The following COL19A1 variants were observed in gnomAD, a reference collection of about 807,000 sequenced individuals.
COL19A1 encodes the protein collagen type XIX alpha 1 chain.
COL19A1 carries 159 observed loss-of-function variants against 190.2 expected under a neutral mutation model. The observed-to-expected ratio is 0.84, with a 90% confidence interval of 0.73 to 0.95. The LOEUF (loss-of-function observed/expected upper bound fraction) is 0.95. Ranked by LOEUF, COL19A1 falls within the 40% of genes least tolerant of loss-of-function variation. The pLI is 0.00. For missense variants in COL19A1, 1,418 were observed against 1,431.9 expected, an observed-to-expected ratio of 0.99 and a Z score of 0.16; for synonymous variants, 509 against 458.9, an observed-to-expected ratio of 1.11 and a Z score of -1.39.
At chr6:70,091,731 T>G (rs1429645363) in intron 15 of COL19A1, among the ~76,000 whole-genome samples, 1 of 151,162 alleles carries the variant, frequency 6.6e-6, no homozygotes, top group Non-Finnish European at 1.5e-5. Context: ...AGAGAAAAAG[T>G]CAAAGAACAT....
chr6:70,061,830 C>T (rs1166667718), intron 14 of COL19A1, among the ~76,000 whole-genome samples: 2 of 151,916 alleles, frequency 1.3e-5, no homozygotes, highest in African/African-American at 4.8e-5. Flanking sequence ...GAGCCAAGAT[C>T]GTGTCAGGCT....
intron 11 of COL19A1, chr6:69,974,034 A>G (rs768589744): frequency 6.6e-6 from 1 of 152,174 alleles, no homozygotes; most frequent in African/African-American, 2.4e-5. Flanking sequence ...GTCTAGGCTT[A>G]TGGTGGTCTA....
chr6:69,984,820 A>C (rs140518304), intron 11 of COL19A1, among the ~76,000 whole-genome samples: 24 of 152,240 alleles, frequency 1.6e-4, no homozygotes, highest in African/African-American at 5.3e-4. Flanking sequence ...CATTTTAGCC[A>C]TTAGTCTTCT....
At chr6:70,030,765 A>G (rs952792171) in intron 12 of COL19A1, among the ~76,000 whole-genome samples, 1 of 152,122 alleles carries the variant, frequency 6.6e-6, no homozygotes, top group African/African-American at 2.4e-5. Context: ...GTCAAATGCA[A>G]CTCAGCCTGG....
intron 17 of COL19A1, among the ~76,000 whole-genome samples, chr6:70,125,769 C>T (rs1355463458): frequency 6.6e-6 from 1 of 152,122 alleles, no homozygotes. Flanking sequence ...AACAGCTGCT[C>T]CCATTCTGCA....
chr6:69,870,002 G>C (rs750545473), intron 1 of COL19A1, among the ~76,000 whole-genome samples: 1 of 152,080 alleles, frequency 6.6e-6, no homozygotes. Context: ...CTATTTTTTT[G>C]TCCCACTAAG....
intron 16 of COL19A1, among the ~76,000 whole-genome samples, chr6:70,113,941 T>C (rs1784421294): frequency 6.7e-6 from 1 of 148,970 alleles, no homozygotes; most frequent in African/African-American, 2.5e-5. Context: ...ACCTCTGCCT[T>C]CTGGGTTCAA....
At chr6:69,916,424 A>T (rs565878296) in intron 4 of COL19A1, among the ~76,000 whole-genome samples, 1 of 152,354 alleles carries the variant, frequency 6.6e-6, no homozygotes, top group Non-Finnish European at 1.5e-5. Flanking sequence ...GAGAGAAAAT[A>T]TTCCTGATTT....
At chr6:70,060,498 T>G (rs1026663589) in intron 14 of COL19A1, among the ~76,000 whole-genome samples, 9 of 152,040 alleles carry the variant, frequency 5.9e-5, no homozygotes, top group African/African-American at 2.2e-4. Context: ...CTACAGCCAC[T>G]CCCCATTGCT....
chr6:70,075,468 C>G (rs1434488087), intron 15 of COL19A1, among the ~76,000 whole-genome samples: 1 of 152,186 alleles, frequency 6.6e-6, no homozygotes, highest in African/African-American at 2.4e-5. Context: ...AAACAAATGC[C>G]TTCAAGGGCG....
chr6:70,189,374 T>C (rs1422319180), intron 47 of COL19A1, among the ~76,000 whole-genome samples: 1 of 152,216 alleles, frequency 6.6e-6, no homozygotes, highest in Non-Finnish European at 1.5e-5. Flanking sequence ...ATGGTGATTT[T>C]CCGTAGAGCT....
intron 4 of COL19A1, among the ~76,000 whole-genome samples, chr6:69,906,279 C>T (rs562939794): frequency 2.0e-5 from 3 of 152,008 alleles, no homozygotes; most frequent in Non-Finnish European, 2.9e-5. Flanking sequence ...CTTGACTGGC[C>T]GATGAAGAAA....
intron 11 of COL19A1, among the ~76,000 whole-genome samples, chr6:69,994,224 A>T (rs1776777731): frequency 6.6e-6 from 1 of 152,164 alleles, no homozygotes; most frequent in Admixed American, 6.6e-5. Flanking sequence ...ATTAATAAGG[A>T]ATCTGAAGCT....
At chr6:70,145,722 C>CTTTTTTTTTTTTTTTTTTT (rs56306364) in intron 25 of COL19A1, among the ~76,000 whole-genome samples, 5 of 128,168 alleles carry the variant, frequency 3.9e-5, no homozygotes, top group East Asian at 2.2e-4. Flanking sequence ...CTTATTGTTT[C>CTTTTTTTTTTTTTTTTTTT]TTTTTTTTTT....
chr6:70,093,715 A>G (rs1242256181), intron 15 of COL19A1, among the ~76,000 whole-genome samples: 1 of 152,232 alleles, frequency 6.6e-6, no homozygotes, highest in Non-Finnish European at 1.5e-5. Context: ...GGATACTCAC[A>G]TCAAGGAAAC....
intron 9 of COL19A1, among the ~76,000 whole-genome samples, chr6:69,939,605 G>A (rs1043431434): frequency 6.6e-6 from 1 of 151,992 alleles, no homozygotes; most frequent in Non-Finnish European, 1.5e-5. Flanking sequence ...CTTTGATCAG[G>A]TACTTCCACT....
chr6:69,882,942 CT>C (rs1312959746), intron 2 of COL19A1, among the ~76,000 whole-genome samples: 1 of 152,070 alleles, frequency 6.6e-6, no homozygotes, highest in Non-Finnish European at 1.5e-5. Context: ...TGTAAAAATC[CT>C]TCATTGACAA....
intron 16 of COL19A1, among the ~76,000 whole-genome samples, chr6:70,110,260 TC>T (rs1390490012): frequency 6.8e-6 from 1 of 147,248 alleles, no homozygotes; most frequent in African/African-American, 2.7e-5. Flanking sequence ...ATTCTTAACA[TC>T]CCTTCTAGAA....
chr6:70,092,199 T>A lies in COL19A1; in HGVS notation c.1225-9970T>A, dbSNP rs568835001. Among the ~76,000 whole-genome samples, 8 of 152,150 alleles carry A rather than the reference T, an allele frequency of 5.3e-5. No homozygotes were observed. The South Asian group carries it at 1.5e-3, about 28-fold the overall frequency. ...CCGCAGGTGCATCCAGGGAAAGCTG[T>A]CCCTGTTTGAGGACTTTTCAGGGGA... On this transcript the variant is annotated intron_variant, in intron 15 of 50. Transcript: ENST00000620364.
Sources: allele counts gnomAD v4.1 joint callset (sites outside exome capture counted in the v4.1 genomes callset), GRCh38; gene constraint gnomAD v4.1.1; transcripts MANE v1.5; gene names NCBI Gene and HGNC (gene_info 2026-07-23, HGNC 2026-07-21).